The following BCO1 variants were observed in gnomAD, a reference collection of about 807,000 sequenced individuals.
The protein encoded by BCO1 is beta-carotene oxygenase 1, also known as beta,beta-carotene 15,15'-dioxygenase.
BCO1 carries 54 observed loss-of-function variants against 56.3 expected under a neutral mutation model. The ratio of observed to expected loss-of-function variants is 0.96; its 90% CI spans 0.77 to 1.20. The LOEUF (loss-of-function observed/expected upper bound fraction) is 1.20. BCO1 is among the 50% of genes most tolerant of loss of function. The pLI, the probability that BCO1 is intolerant of heterozygous loss-of-function variation, is 0.00. For synonymous variants in BCO1, 318 were observed against 266.1 expected, an observed-to-expected ratio of 1.20 and a Z score of -1.90; for missense variants, 801 against 690.9, an observed-to-expected ratio of 1.16 and a Z score of -1.79.
intron 8 of BCO1, among the ~76,000 whole-genome samples, chr16:81,285,298 C>T (rs564344737): frequency 6.6e-6 from 1 of 152,338 alleles, no homozygotes; most frequent in South Asian, 2.1e-4. Flanking sequence ...TGTTTATACA[C>T]TTAAAACCTA....
intron 3 of BCO1, among the ~76,000 whole-genome samples, chr16:81,260,933 T>C (rs755000687): frequency 2.0e-5 from 3 of 152,212 alleles, no homozygotes; most frequent in Non-Finnish European, 2.9e-5. Context: ...TCTCTAGATG[T>C]AGAAGAGTTA....
intron 4 of BCO1, 88 bp from the exon 5 acceptor site, chr16:81,264,552 T>C: frequency 6.6e-7 from 1 of 1,506,206 alleles, no homozygotes. Flanking sequence ...GACTTCAACC[T>C]TTCTCCTTTG....
chr16:81,241,582 G>A (rs531768358), intron 1 of BCO1, among the ~76,000 whole-genome samples: 1 of 152,178 alleles, frequency 6.6e-6, no homozygotes, highest in Non-Finnish European at 1.5e-5. Context: ...CAGACACTTG[G>A]GGGGTGGAGC....
chr16:81,241,432 A>T (rs1905102994), intron 1 of BCO1, among the ~76,000 whole-genome samples: 1 of 152,224 alleles, frequency 6.6e-6, no homozygotes, highest in South Asian at 2.1e-4. Flanking sequence ...GAAAACATGA[A>T]TTCTAGAACA....
At chr16:81,260,734 C>T (rs1447029743) in intron 3 of BCO1, among the ~76,000 whole-genome samples, 5 of 152,182 alleles carry the variant, frequency 3.3e-5, no homozygotes, top group African/African-American at 1.2e-4. Context: ...GTCTTGAACT[C>T]CTGATCTTAG....
Position 81,238,940 on chromosome 16 carries a change from A to C in BCO1, c.32A>C (p.Glu11Ala). 1 of 1,614,118 alleles carries C rather than the reference A, an allele frequency of 6.2e-7. No homozygotes were observed. Among genetic ancestry groups the C allele is most frequent in the Non-Finnish European group, 8.5e-7 (1 of 1,180,014 alleles). The change falls in exon 1 of 11, where the codon GAA becomes GCA. Residue 11 changes from glutamate to alanine, a missense_variant. Coordinates refer to ENST00000258168, the MANE Select transcript of BCO1 (RefSeq NM_017429.3). ...ATAATATTTGGCAGGAATAGGAAAGAACAGCTGGAGCCTGTGAGGGCCAAA... is the reference window on the plus strand; with the variant it reads ...ATAATATTTGGCAGGAATAGGAAAGCACAGCTGGAGCCTGTGAGGGCCAAA... Reference protein sequence around the residue: MDIIFGRNRKEQLEPVRAKVT... With the variant: MDIIFGRNRKAQLEPVRAKVT...
At chr16:81,287,775 C>T (rs900505334) in intron 10 of BCO1, among the ~76,000 whole-genome samples, 1 of 152,176 alleles carries the variant, frequency 6.6e-6, no homozygotes, top group East Asian at 1.9e-4. Context: ...CAGGCAGGAG[C>T]TTCCAGGTGC....
Position 81,270,374 on chromosome 16 carries a change from C to T in BCO1, c.1059C>T (p.Val353=), listed in dbSNP as rs148356249. Residue 353 remains valine (V), a synonymous_variant, in exon 7 of 11, where the codon GTC becomes GTT. Transcript: ENST00000258168. ...AGGAGAACTCCAGGCTCACCTCGGTCCCCACCCTCAGGAGGTTTGCCGTGC... is the reference window on the plus strand; with the variant it reads ...AGGAGAACTCCAGGCTCACCTCGGTTCCCACCCTCAGGAGGTTTGCCGTGC... ...DFKENSRLTS[V]PTLRRFAVPL... 5 of 1,613,966 alleles carry T rather than the reference C, an allele frequency of 3.1e-6. No individual in the cohort carries two copies. Among genetic ancestry groups the T allele is most frequent in the Non-Finnish European group, 4.2e-6 (5 of 1,180,012 alleles).
At chr16:81,263,943 A>G (rs542645231) in intron 4 of BCO1, 1 of 155,838 alleles carries the variant, frequency 6.4e-6, no homozygotes, top group South Asian at 2.0e-4. Flanking sequence ...AGGGCTACAG[A>G]GAGGAAATGC....
At chr16:81,259,450 C>A (rs750560003) in intron 2 of BCO1, among the ~76,000 whole-genome samples, 7 of 152,048 alleles carry the variant, frequency 4.6e-5, no homozygotes, top group Non-Finnish European at 1.0e-4. Flanking sequence ...GCCGAGATCG[C>A]ACCATTATAT....
intron 10 of BCO1, among the ~76,000 whole-genome samples, 177 bp from the exon 11 acceptor site, chr16:81,290,171 G>A (rs1908384164): frequency 1.3e-5 from 2 of 152,270 alleles, no homozygotes; most frequent in South Asian, 4.1e-4. Flanking sequence ...CCTAGAACCA[G>A]GTTTTCTGAT....
chr16:81,241,546 T>C (rs1905107858), intron 1 of BCO1, among the ~76,000 whole-genome samples: 1 of 152,318 alleles, frequency 6.6e-6, no homozygotes, highest in South Asian at 2.1e-4. Flanking sequence ...ATAAACATCC[T>C]TGGGCCCTAC....
At chr16:81,286,790 G>T (rs1908206193) in intron 9 of BCO1, among the ~76,000 whole-genome samples, 1 of 151,996 alleles carries the variant, frequency 6.6e-6, no homozygotes, top group African/African-American at 2.4e-5. Context: ...AAAACTGGGG[G>T]AGGAGGCCGG....
intron 7 of BCO1, among the ~76,000 whole-genome samples, chr16:81,271,780 C>T (rs956842076): frequency 2.6e-5 from 4 of 151,944 alleles, no homozygotes; most frequent in African/African-American, 9.7e-5. Flanking sequence ...GAGACAGTCT[C>T]GCTCTGCCGC....
intron 2 of BCO1, among the ~76,000 whole-genome samples, chr16:81,253,467 C>A (rs1403762573): frequency 6.6e-6 from 1 of 152,144 alleles, no homozygotes; most frequent in Non-Finnish European, 1.5e-5. Context: ...GGATTCATAT[C>A]CATGTGGAGA....
chr16:81,266,323 C>A (rs913590852), intron 5 of BCO1, among the ~76,000 whole-genome samples: 1 of 152,176 alleles, frequency 6.6e-6, no homozygotes, highest in Non-Finnish European at 1.5e-5. Context: ...CCAGGACCCT[C>A]CTGGGAACCA....
chr16:81,282,318 G>C, intron 8 of BCO1, among the ~76,000 whole-genome samples: 1 of 152,138 alleles, frequency 6.6e-6, no homozygotes, highest in African/African-American at 2.4e-5. Flanking sequence ...CCCGAAGGCA[G>C]AGCAGAGAGC....
At chr16:81,269,004 G>A (rs1907009382) in intron 6 of BCO1, among the ~76,000 whole-genome samples, 1 of 149,252 alleles carries the variant, frequency 6.7e-6, no homozygotes, top group Admixed American at 6.7e-5. Flanking sequence ...GGACTCAAGT[G>A]ATCCTCCTCC....
chr16:81,259,881 T>C, intron 3 of BCO1, 76 bp downstream of exon 3: 1 of 1,571,752 alleles, frequency 6.4e-7, no homozygotes, highest in Non-Finnish European at 8.8e-7. Context: ...CAGCATTTGC[T>C]CCTCTGACAA....
Sources: allele counts gnomAD v4.1 joint callset (sites outside exome capture counted in the v4.1 genomes callset), GRCh38; gene constraint gnomAD v4.1.1; transcripts MANE v1.5; gene names NCBI Gene and HGNC (gene_info 2026-07-23, HGNC 2026-07-21).